The following UAP1 variants were observed in gnomAD, a reference collection of about 807,000 sequenced individuals.
The protein encoded by UAP1 is UDP-N-acetylglucosamine pyrophosphorylase 1.
A neutral mutation model predicts 58.5 loss-of-function variants in UAP1; 25 were observed. The observed-to-expected ratio is 0.43, with a 90% CI of 0.31 to 0.60. UAP1 has a LOEUF of 0.60. Among genes scored for constraint, UAP1 ranks in the 20% least tolerant of loss-of-function variants. UAP1 has a pLI of 0.11. For synonymous variants in UAP1, 208 were observed against 213.0 expected (o/e 0.98, Z 0.21); for missense variants, 575 against 630.0 (o/e 0.91, Z 0.93).
intron 5 of UAP1, among the ~76,000 whole-genome samples, chr1:162,585,906 A>C (rs1256088584): frequency 6.6e-6 from 1 of 152,162 alleles, no homozygotes; most frequent in Non-Finnish European, 1.5e-5. Flanking sequence ...AAGAATTGTA[A>C]ATAGGCCCAT....
intron 5 of UAP1, among the ~76,000 whole-genome samples, chr1:162,582,802 T>C (rs1302413366): frequency 6.6e-6 from 1 of 152,176 alleles, no homozygotes; most frequent in East Asian, 1.9e-4. Context: ...TCAAAGTTAA[T>C]CTAGAAATTT....
At chr1:162,598,151 G>T (rs1365329611) in intron 10 of UAP1, among the ~76,000 whole-genome samples, 1 of 152,002 alleles carries the variant, frequency 6.6e-6, no homozygotes, top group Non-Finnish European at 1.5e-5. Flanking sequence ...AGGATTGCTT[G>T]AGCTCAGGAG....
At chr1:162,577,551 C>T (rs1171042320) in intron 3 of UAP1, among the ~76,000 whole-genome samples, 3 of 148,872 alleles carry the variant, frequency 2.0e-5, no homozygotes, top group Non-Finnish European at 4.4e-5. Flanking sequence ...TGGTCTCAAG[C>T]CATCCTCCTA....
At chr1:162,592,671 ATTT>A in intron 8 of UAP1, 58 bp from the exon 9 acceptor site, 1 of 1,326,788 alleles carries the variant, frequency 7.5e-7, no homozygotes, top group East Asian at 2.5e-5. Flanking sequence ...TTGCAACTCC[ATTT>A]CATTGTTATT....
chr1:162,572,288 A>T (rs1405959122), intron 2 of UAP1, among the ~76,000 whole-genome samples: 1 of 152,234 alleles, frequency 6.6e-6, no homozygotes, highest in Non-Finnish European at 1.5e-5. Context: ...CAAAACTTTA[A>T]ATGTGAAACA....
intron 5 of UAP1, among the ~76,000 whole-genome samples, chr1:162,583,896 T>C (rs1654755907): frequency 6.6e-6 from 1 of 152,140 alleles, no homozygotes; most frequent in Non-Finnish European, 1.5e-5. Context: ...TGCTTTGGCC[T>C]CCCAAAGTGC....
intron 4 of UAP1, 62 bp from the exon 5 acceptor site, chr1:162,581,225 A>G: frequency 6.6e-7 from 1 of 1,508,860 alleles, no homozygotes; most frequent in Non-Finnish European, 8.9e-7. Flanking sequence ...TTTGGAAACA[A>G]TCTTTGTGTT....
intron 5 of UAP1, among the ~76,000 whole-genome samples, chr1:162,583,146 C>CTTTTTTTTT (rs11376471): frequency 1.0e-4 from 7 of 68,042 alleles, no homozygotes; most frequent in African/African-American, 1.2e-4. Context: ...TGGTGTCACT[C>CTTTTTTTTT]TTTTTTTTTT....
At chr1:162,587,365 T>G in intron 5 of UAP1, 110 bp from the exon 6 acceptor site, 1 of 984,856 alleles carries the variant, frequency 1.0e-6, no homozygotes, top group Non-Finnish European at 1.5e-6. Flanking sequence ...CTTCTTGGCT[T>G]TATACCTTTT....
At chr1:162,590,726 C>G (rs990129243) in intron 8 of UAP1, among the ~76,000 whole-genome samples, 21 of 151,816 alleles carry the variant, frequency 1.4e-4, no homozygotes, top group African/African-American at 5.1e-4. Flanking sequence ...TCAGATCTCT[C>G]TTTTTTTAAT....
At chr1:162,597,715 A>C in intron 9 of UAP1, 77 bp from the exon 10 acceptor site, 1 of 1,181,050 alleles carries the variant, frequency 8.5e-7, no homozygotes, top group Non-Finnish European at 1.2e-6. Context: ...CTCAGAGGAA[A>C]GTTATGGTTT....
intron 3 of UAP1, among the ~76,000 whole-genome samples, chr1:162,577,978 C>G (rs770067041): frequency 6.6e-6 from 1 of 151,892 alleles, no homozygotes; most frequent in South Asian, 2.1e-4. Flanking sequence ...TGAGCTGCCC[C>G]CCTCGACCTC....
At chr1:162,564,705 C>A (rs757921131) in intron 1 of UAP1, among the ~76,000 whole-genome samples, 1 of 152,096 alleles carries the variant, frequency 6.6e-6, no homozygotes, top group African/African-American at 2.4e-5. Context: ...ATCTACTGTT[C>A]GCTTTCTATT....
intron 2 of UAP1, 113 bp from the exon 3 acceptor site, chr1:162,576,664 A>G (rs2101767877): frequency 1.0e-6 from 1 of 994,346 alleles, no homozygotes; most frequent in Non-Finnish European, 1.5e-6. Flanking sequence ...TCAGGACAAG[A>G]CAGCTGTATA....
chr1:162,581,214 G>C, intron 4 of UAP1, 73 bp from the exon 5 acceptor site: 1 of 1,485,078 alleles, frequency 6.7e-7, no homozygotes, highest in East Asian at 2.3e-5. Context: ...CTTAACCCTA[G>C]TTTGGAAACA....
chr1:162,592,551 A>C (rs531099864), intron 8 of UAP1, among the ~76,000 whole-genome samples, 181 bp from the exon 9 acceptor site: 36 of 151,932 alleles, frequency 2.4e-4, no homozygotes, highest in African/African-American at 8.7e-4. Flanking sequence ...CATTGTCCTC[A>C]TGTTTCATCT....
rs1655398455 is a variant in UAP1 at position 162,592,792 on chromosome 1, C to A, written c.1409+10C>A. 1.9e-6 allele frequency: 3 copies of A among 1,548,356 alleles called. No homozygotes were observed. The highest frequency in any genetic ancestry group is 2.4e-5 in the South Asian group (2 of 83,988). On this transcript the variant is annotated intron_variant, in intron 9 of 10. Coordinates refer to ENST00000271469, the Ensembl canonical transcript of UAP1. Reference sequence around the variant, plus strand: ...CTGATGTCAATCACAAGTAAATATACCAGCCTGCCTACAGTGCATGGTGAT... The same window carrying A: ...CTGATGTCAATCACAAGTAAATATAACAGCCTGCCTACAGTGCATGGTGAT...
At chr1:162,584,797 AG>A (rs1654806729) in intron 5 of UAP1, among the ~76,000 whole-genome samples, 1 of 151,968 alleles carries the variant, frequency 6.6e-6, no homozygotes, top group Non-Finnish European at 1.5e-5. Flanking sequence ...GTACTTTAAT[AG>A]GCCCCTGTCT....
intron 5 of UAP1, among the ~76,000 whole-genome samples, chr1:162,584,292 A>G (rs970171163): frequency 6.6e-6 from 1 of 152,220 alleles, no homozygotes; most frequent in East Asian, 1.9e-4. Flanking sequence ...AAATATTCAG[A>G]TGGAACCAAA....
Sources: allele counts gnomAD v4.1 joint callset (sites outside exome capture counted in the v4.1 genomes callset), GRCh38; gene constraint gnomAD v4.1.1; transcripts MANE v1.5; gene names NCBI Gene and HGNC (gene_info 2026-07-23, HGNC 2026-07-21).